Variants in MACROD1 observed in about 807,000 individuals in gnomAD.
MACROD1 encodes the protein ADP-ribose glycohydrolase MACROD1.
Under a neutral mutation model 41.4 loss-of-function variants are expected in MACROD1, and 31 were observed. That is an observed-to-expected ratio of 0.75 (90% CI 0.56 to 1.01). The LOEUF (loss-of-function observed/expected upper bound fraction) is 1.01, where lower values mean the gene tolerates loss of function less well. Among genes scored for constraint, MACROD1 ranks in the 50% least tolerant of loss-of-function variants. The probability of loss-of-function intolerance (pLI) is 0.00; values close to 1 mark genes in which losing one functional copy is unlikely to be tolerated. For synonymous variants in MACROD1, 252 were observed against 203.4 expected (o/e 1.24, Z -2.03); for missense variants, 473 against 460.0 (o/e 1.03, Z -0.26).
chr11:64,115,500 C>A (rs1944961321), intron 3 of MACROD1, among the ~76,000 whole-genome samples: 1 of 152,130 alleles, frequency 6.6e-6, no homozygotes, highest in Non-Finnish European at 1.5e-5. Context: ...AAAGAGATTT[C>A]TGTAAATACA....
intron 3 of MACROD1, among the ~76,000 whole-genome samples, chr11:64,109,699 C>T (rs1363340802): frequency 6.6e-5 from 10 of 152,136 alleles, no homozygotes; most frequent in African/African-American, 2.2e-4. Flanking sequence ...TGCGGCCCCA[C>T]AGGAGGGGAT....
intron 4 of MACROD1, among the ~76,000 whole-genome samples, chr11:64,005,308 G>C (rs575390412): frequency 1.3e-5 from 2 of 152,344 alleles, no homozygotes; most frequent in African/African-American, 4.8e-5. Context: ...GATTATAGGC[G>C]TGAGCCACCG....
Position 64,036,696 on chromosome 11 carries a change from A to G in MACROD1, c.518-21415T>C, listed in dbSNP as rs963407109. On this transcript the variant is annotated intron_variant, in intron 3 of 10. Transcript: ENST00000255681. This position sits in a 1 kb window ranked among gnomAD's most constrained non-coding sequence, Gnocchi z 5.6. ...TCAAGGGGGGCATGAGCAGCCTCCAACTTCCCTCCCTGTGCGCGCTGTGGA... is the reference window on the plus strand; with the variant it reads ...TCAAGGGGGGCATGAGCAGCCTCCAGCTTCCCTCCCTGTGCGCGCTGTGGA... Among the ~76,000 whole-genome samples, 2 of 151,882 alleles carry G rather than the reference A, an allele frequency of 1.3e-5. No individual in the cohort carries two copies. The highest frequency in any genetic ancestry group is 2.4e-5 in the African/African-American group (1 of 41,332).
At chr11:64,148,924 T>C in intron 3 of MACROD1, 1 of 985,458 alleles carries the variant, frequency 1.0e-6, no homozygotes, top group Non-Finnish European at 1.2e-6. Context: ...CACAAAGCCC[T>C]GGACGGCTGA....
chr11:64,035,106 A>G (rs1314156612), intron 3 of MACROD1, among the ~76,000 whole-genome samples: 1 of 152,184 alleles, frequency 6.6e-6, no homozygotes, highest in Non-Finnish European at 1.5e-5. Flanking sequence ...GGAGCTAGGT[A>G]GTAACGGTCC....
At chr11:64,042,119 G>T (rs998886403) in intron 3 of MACROD1, among the ~76,000 whole-genome samples, 14 of 152,190 alleles carry the variant, frequency 9.2e-5, no homozygotes, top group Non-Finnish European at 1.8e-4. Flanking sequence ...CCAGGCGGGA[G>T]GGGGAGACAG....
At position 64,118,232 on chromosome 11, in the gene MACROD1, C is replaced by T. The variant is rs677447; in HGVS notation, c.517+33007G>A. Reference sequence around the variant, plus strand: ...GCAAGGCCACACACACCATTGGCTACGGCACCACGCGGGGCTACCGGGACG... The same window carrying T: ...GCAAGGCCACACACACCATTGGCTATGGCACCACGCGGGGCTACCGGGACG... On this transcript the variant is annotated intron_variant, in intron 3 of 10. Coordinates refer to ENST00000255681, the MANE Select transcript of MACROD1 (RefSeq NM_014067.4). 1,014,370 of 1,611,120 alleles carry T rather than the reference C, an allele frequency of 0.63. 331,974 individuals are homozygous for T. The highest frequency in any genetic ancestry group is 0.68 in the Non-Finnish European group (798,414 of 1,178,408).
At chr11:64,088,349 G>A (rs918752807) in intron 3 of MACROD1, among the ~76,000 whole-genome samples, 2 of 152,164 alleles carry the variant, frequency 1.3e-5, no homozygotes, top group African/African-American at 2.4e-5. Flanking sequence ...ATAGACCAGG[G>A]GGCAGTGGGG....
intron 3 of MACROD1, chr11:64,117,582 C>T: frequency 6.2e-7 from 1 of 1,611,610 alleles, no homozygotes; most frequent in African/African-American, 1.3e-5. Flanking sequence ...CGCCAAGACC[C>T]TGGCCATCCA....
In MACROD1 at chr11:64,051,747, C is replaced by A. The variant is rs770746803; in HGVS notation, c.518-36466G>T. ...ACAGTGGTTTGGCCAGATAGCCCTGCGGCCCAGTCCCTCTCAGGACAACTT... is the reference window on the plus strand; with the variant it reads ...ACAGTGGTTTGGCCAGATAGCCCTGAGGCCCAGTCCCTCTCAGGACAACTT... On this transcript the variant is annotated intron_variant, in intron 3 of 10. Transcript: ENST00000255681. 6.4e-4 allele frequency among the ~76,000 whole-genome samples: 97 copies of A among 152,148 alleles called. 1 individual carries two copies. The highest frequency in any genetic ancestry group is 4.6e-4 in the Admixed American group (7 of 15,286).
At chr11:64,063,924 G>A (rs948187849) in intron 3 of MACROD1, among the ~76,000 whole-genome samples, 6 of 152,302 alleles carry the variant, frequency 3.9e-5, no homozygotes, top group East Asian at 3.9e-4. Context: ...AGTGAGCTGC[G>A]GAGAGGTTTG....
chr11:64,070,121 C>T (rs930576098), intron 3 of MACROD1, among the ~76,000 whole-genome samples: 1 of 152,174 alleles, frequency 6.6e-6, no homozygotes, highest in African/African-American at 2.4e-5. Flanking sequence ...TATTATACCC[C>T]TTACATAGAT....
intron 3 of MACROD1, among the ~76,000 whole-genome samples, chr11:64,094,699 CAGGGAG>C (rs1944547438): frequency 1.3e-5 from 2 of 152,320 alleles, no homozygotes; most frequent in African/African-American, 4.8e-5. Context: ...AAAAGTGGTT[CAGGGAG>C]GCTGACCACA....
chr11:64,096,981 A>C lies in MACROD1; in HGVS notation c.517+54258T>G, dbSNP rs1944588021. On this transcript the variant is annotated intron_variant, in intron 3 of 10. Coordinates refer to ENST00000255681, the MANE Select transcript of MACROD1 (RefSeq NM_014067.4). This position sits in a 1 kb window ranked among gnomAD's most constrained non-coding sequence, Gnocchi z 4.6. ...CGTCTGGGCCCGGGAGTTCCTGCCT[A>C]CCCTTGCTGGGAGGAGATTGCAAAG... Among the ~76,000 whole-genome samples, 1 of 151,994 alleles carries C rather than the reference A, an allele frequency of 6.6e-6. No individual in the cohort carries two copies. The highest frequency in any genetic ancestry group is 2.1e-4 in the South Asian group (1 of 4,822).
chr11:64,015,855 G>C (rs1188066855), intron 3 of MACROD1, among the ~76,000 whole-genome samples: 1 of 152,196 alleles, frequency 6.6e-6, no homozygotes, highest in Non-Finnish European at 1.5e-5. Context: ...AACTGCGAGA[G>C]GGACAAGGCG....
chr11:64,059,961 G>A (rs1943866426), intron 3 of MACROD1, among the ~76,000 whole-genome samples: 2 of 152,284 alleles, frequency 1.3e-5, no homozygotes, highest in South Asian at 2.1e-4. Context: ...TTGGGGGGCC[G>A]GGGCACCCTG....
At chr11:64,011,164 T>C (rs1395095700) in intron 4 of MACROD1, among the ~76,000 whole-genome samples, 4 of 147,550 alleles carry the variant, frequency 2.7e-5, no homozygotes, top group Non-Finnish European at 4.5e-5. Context: ...GTTAGGATGC[T>C]GGTTGGCATG....
rs746133206 is a variant in MACROD1 at position 63,999,150 on chromosome 11, G to GCTCA, written c.892-118_892-115dup. The GCTCA allele has an allele frequency of 1.0e-3, 1,335 of 1,317,352 alleles. 1 individual carries two copies. Among genetic ancestry groups the GCTCA allele is most frequent in the Non-Finnish European group, 1.3e-3 (1,213 of 967,334 alleles). 81.6% of individuals were successfully genotyped at this position (1,317,352 alleles called of 1,614,324 possible). A position where few individuals can be genotyped will look rare whatever the true frequency, so the allele number is the denominator to read the frequency against. ...GCCTGGCCCTGCGCCCTTCACGGAG[G>GCTCA]CTCACGGCTGTGTGCCATCACCCCC... On this transcript the variant is annotated intron_variant, in intron 8 of 10. Transcript: ENST00000255681.
At chr11:64,151,072 G>A in intron 3 of MACROD1, among the ~76,000 whole-genome samples, 167 bp downstream of exon 3, 1 of 152,214 alleles carries the variant, frequency 6.6e-6, no homozygotes, top group East Asian at 1.9e-4. Flanking sequence ...AAGGGAAGAG[G>A]AGCCCGAGTG....
Sources: gnomAD v4.1 joint callset for allele counts (sites outside exome capture counted in the v4.1 genomes callset) on GRCh38, gnomAD v4.1.1 for gene constraint, Gnocchi (gnomAD v3.1) non-coding constraint, MANE v1.5 for transcripts, NCBI Gene and HGNC (gene_info 2026-07-23, HGNC 2026-07-21) for gene names.